The following NR3C2 variants were observed in gnomAD, a reference collection of about 807,000 sequenced individuals.
NR3C2 encodes the protein nuclear receptor subfamily 3 group C member 2.
Under a neutral mutation model 86.4 loss-of-function variants are expected in NR3C2, and 15 were observed. That is an observed-to-expected ratio of 0.17 (90% CI 0.12 to 0.27). NR3C2 has a LOEUF of 0.27. Among genes scored for constraint, NR3C2 ranks in the 10% least tolerant of loss-of-function variants. The pLI, the probability that NR3C2 is intolerant of heterozygous loss-of-function variation, is 1.00. For missense variants in NR3C2, 960 were observed against 1,195.6 expected (o/e 0.80, Z 2.91); for synonymous variants, 458 against 450.5 (o/e 1.02, Z -0.21).
intron 7 of NR3C2, among the ~76,000 whole-genome samples, chr4:148,115,108 A>G (rs1291604314): frequency 6.6e-6 from 1 of 152,216 alleles, no homozygotes; most frequent in South Asian, 2.1e-4. Context: ...AGAATGAACC[A>G]TGTTCATCTG....
intron 3 of NR3C2, among the ~76,000 whole-genome samples, chr4:148,197,000 G>A (rs751128241): frequency 1.3e-5 from 2 of 152,288 alleles, no homozygotes; most frequent in Non-Finnish European, 2.9e-5. Context: ...TATGACATAG[G>A]TGAGATTATT....
intron 2 of NR3C2, among the ~76,000 whole-genome samples, chr4:148,360,485 T>C (rs983906218): frequency 2.6e-5 from 4 of 152,184 alleles, no homozygotes; most frequent in East Asian, 1.9e-4. Flanking sequence ...AAAGTGCTTA[T>C]AGGCAAAACA....
chr4:148,080,936 T>C lies in NR3C2; in HGVS notation c.*408A>G, dbSNP rs1730523827. 1 of 323,768 alleles carries C rather than the reference T, an allele frequency of 3.1e-6. No homozygotes were observed. The highest frequency in any genetic ancestry group is 3.8e-5 in the Admixed American group (1 of 26,200). 20.1% of individuals were successfully genotyped at this position (323,768 alleles called of 1,614,324 possible). ...AATGCCCCATATTGACTATACGTTT[T>C]ATGTGCAAACCAAGGGTAAGCTTTA... is the stretch of plus-strand genomic sequence containing the variant. On this transcript the variant is annotated 3_prime_UTR_variant, in exon 9 of 9. Coordinates refer to ENST00000358102, the MANE Select transcript of NR3C2 (RefSeq NM_000901.5).
At chr4:148,372,394 G>T (rs1354729141) in intron 2 of NR3C2, among the ~76,000 whole-genome samples, 1 of 151,792 alleles carries the variant, frequency 6.6e-6, no homozygotes, top group African/African-American at 2.4e-5. Context: ...TAAAAGCCCT[G>T]ATATTGACCA....
intron 4 of NR3C2, among the ~76,000 whole-genome samples, chr4:148,193,840 T>C (rs1037291638): frequency 6.6e-6 from 1 of 152,224 alleles, no homozygotes; most frequent in South Asian, 2.1e-4. Context: ...TTTTGGTGTA[T>C]ATAGTTAAGA....
intron 3 of NR3C2, 108 bp from the exon 4 acceptor site, chr4:148,194,970 T>G (rs1424038253): frequency 4.6e-6 from 4 of 862,298 alleles, no homozygotes; most frequent in Non-Finnish European, 3.7e-6. Context: ...TGAAATCTCT[T>G]TCTCAAAAAA....
At chr4:148,332,701 C>T (rs1029598774) in intron 2 of NR3C2, among the ~76,000 whole-genome samples, 1 of 152,146 alleles carries the variant, frequency 6.6e-6, no homozygotes. Flanking sequence ...GCCTCCCACA[C>T]CAAGATACTG....
At chr4:148,277,523 C>G (rs1440980351) in intron 2 of NR3C2, among the ~76,000 whole-genome samples, 1 of 152,004 alleles carries the variant, frequency 6.6e-6, no homozygotes, top group Non-Finnish European at 1.5e-5. Context: ...CAAGTCCTAC[C>G]CGAGCAACAC....
At chr4:148,354,742 A>G (rs1407052883) in intron 2 of NR3C2, among the ~76,000 whole-genome samples, 1 of 152,188 alleles carries the variant, frequency 6.6e-6, no homozygotes, top group Non-Finnish European at 1.5e-5. Flanking sequence ...TATCTCCAAA[A>G]GAAACAAATT....
At chr4:148,444,536 A>G, upstream of NR3C2, 1 of 986,940 alleles carries the variant, frequency 1.0e-6, no homozygotes, top group Non-Finnish European at 1.2e-6. Context: ...CTTTTCTAGG[A>G]CATGGTGGGG....
intron 2 of NR3C2, among the ~76,000 whole-genome samples, chr4:148,423,088 C>T (rs1025203135): frequency 1.3e-5 from 2 of 152,122 alleles, no homozygotes; most frequent in Admixed American, 1.3e-4. Flanking sequence ...ACCTCTCGCT[C>T]ACCATCCCAA....
chr4:148,107,925 G>A (rs545989826), intron 8 of NR3C2, among the ~76,000 whole-genome samples: 1 of 152,226 alleles, frequency 6.6e-6, no homozygotes, highest in East Asian at 1.9e-4. Flanking sequence ...ATGATGGGTT[G>A]ATAGGTGCAG....
In NR3C2 at chr4:148,309,047, C is replaced by CA. The variant is rs1052682750; in HGVS notation, c.1758-48931dup. On this transcript the variant is annotated intron_variant, in intron 2 of 8. Coordinates refer to ENST00000358102, the MANE Select transcript of NR3C2 (RefSeq NM_000901.5). ...AGGAGGATATTGAATGTTTTCAATA[C>CA]AAAAAAAAAAGTTTGAGATGATGGA... Among the ~76,000 whole-genome samples the CA allele has an allele frequency of 2.6e-3, 372 of 144,968 alleles. 2 individuals carry two copies. Among genetic ancestry groups the CA allele is most frequent in the African/African-American group, 8.1e-3 (320 of 39,584 alleles).
chr4:148,305,242 G>C (rs1204455154), intron 2 of NR3C2, among the ~76,000 whole-genome samples: 1 of 151,906 alleles, frequency 6.6e-6, no homozygotes, highest in African/African-American at 2.4e-5. Flanking sequence ...CTCAATTTTT[G>C]TTCTAGATCA....
At chr4:148,387,777 T>C (rs61764776) in intron 2 of NR3C2, among the ~76,000 whole-genome samples, 34,482 of 152,204 alleles carry the variant, frequency 0.23, 4,041 homozygotes, top group African/African-American at 0.25. Flanking sequence ...AGTGACAGCA[T>C]CATCCAATAT....
chr4:148,134,594 A>C (rs1223396554), intron 6 of NR3C2, among the ~76,000 whole-genome samples: 3 of 147,920 alleles, frequency 2.0e-5, no homozygotes, highest in Non-Finnish European at 4.5e-5. Flanking sequence ...AGTGTTAAGG[A>C]CAACACCTTA....
intron 3 of NR3C2, among the ~76,000 whole-genome samples, chr4:148,243,194 C>T (rs1424509951): frequency 6.6e-6 from 1 of 151,920 alleles, no homozygotes; most frequent in African/African-American, 2.4e-5. Context: ...CCATGCCTGG[C>T]TAATTTTTGT....
chr4:148,088,208 GGA>G (rs1491375462), intron 8 of NR3C2, among the ~76,000 whole-genome samples: 1 of 152,124 alleles, frequency 6.6e-6, no homozygotes, highest in Admixed American at 6.5e-5. Context: ...AAGTTAGTTA[GGA>G]AACAACAGAT....
At chr4:148,230,077 C>G (rs1333360635) in intron 3 of NR3C2, among the ~76,000 whole-genome samples, 2 of 152,212 alleles carry the variant, frequency 1.3e-5, no homozygotes, top group South Asian at 4.1e-4. Flanking sequence ...ACAATTCTCT[C>G]TCTCTTCCAG....
Sources: allele counts gnomAD v4.1 joint callset (sites outside exome capture counted in the v4.1 genomes callset), GRCh38; gene constraint gnomAD v4.1.1; transcripts MANE v1.5; gene names NCBI Gene and HGNC (gene_info 2026-07-23, HGNC 2026-07-21).